MAP3K5: variants seen among roughly 807,000 people sequenced by gnomAD.
The protein encoded by MAP3K5 is ASK-1.
A neutral mutation model predicts 158.7 loss-of-function variants in MAP3K5; 56 were observed. The ratio of observed to expected loss-of-function variants is 0.35; its 90% CI spans 0.28 to 0.44. The LOEUF is 0.44. Among genes scored for constraint, MAP3K5 ranks in the 20% least tolerant of loss-of-function variants. MAP3K5 has a pLI of 1.00. For synonymous variants in MAP3K5, 579 were observed against 601.7 expected (o/e 0.96, Z 0.55); for missense variants, 1,294 against 1,674.8 (o/e 0.77, Z 3.97).
intron 24 of MAP3K5, among the ~76,000 whole-genome samples, chr6:136,582,829 T>C (rs770139913): frequency 6.6e-6 from 1 of 152,158 alleles, no homozygotes; most frequent in Non-Finnish European, 1.5e-5. Context: ...TTGTTAAGGG[T>C]CTCCTGGAGG....
chr6:136,740,945 G>A (rs911179), intron 1 of MAP3K5, among the ~76,000 whole-genome samples: 50,652 of 151,924 alleles, frequency 0.33, 10,452 homozygotes, highest in East Asian at 0.45. Flanking sequence ...ACATTAAGAT[G>A]GTGAATTTTT....
At chr6:136,666,001 A>G (rs1446053932) in intron 8 of MAP3K5, among the ~76,000 whole-genome samples, 2 of 152,228 alleles carry the variant, frequency 1.3e-5, no homozygotes, top group East Asian at 3.8e-4. Flanking sequence ...ACTCTCACCC[A>G]TAAAATGTCT....
At chr6:136,600,136 T>C (rs1326484799) in intron 21 of MAP3K5, among the ~76,000 whole-genome samples, 5 of 151,848 alleles carry the variant, frequency 3.3e-5, no homozygotes, top group Non-Finnish European at 7.4e-5. Context: ...CCCCCTGAAC[T>C]GTTTGATCAA....
At chr6:136,658,529 G>T (rs992794681) in intron 9 of MAP3K5, among the ~76,000 whole-genome samples, 1 of 151,938 alleles carries the variant, frequency 6.6e-6, no homozygotes, top group Non-Finnish European at 1.5e-5. Flanking sequence ...TGTCCAGGCT[G>T]ATCTCAAACT....
At chr6:136,623,429 A>G (rs1776896406) in intron 14 of MAP3K5, among the ~76,000 whole-genome samples, 1 of 152,212 alleles carries the variant, frequency 6.6e-6, no homozygotes, top group Admixed American at 6.5e-5. Context: ...GGCTTTGGGT[A>G]AGAAGAAAAT....
chr6:136,777,168 T>C (rs1269727110), intron 1 of MAP3K5, among the ~76,000 whole-genome samples: 1 of 152,244 alleles, frequency 6.6e-6, no homozygotes, highest in East Asian at 1.9e-4. Flanking sequence ...TTGTTCTCTT[T>C]CACTAGGTCA....
At chr6:136,614,333 T>C (rs1172285714) in intron 15 of MAP3K5, 47 bp from the exon 16 acceptor site, 14 of 1,592,118 alleles carry the variant, frequency 8.8e-6, no homozygotes, top group Non-Finnish European at 1.2e-5. Flanking sequence ...AGCCAGACTT[T>C]ACTGTATAAA....
intron 7 of MAP3K5, among the ~76,000 whole-genome samples, chr6:136,682,976 T>C (rs1779997948): frequency 6.6e-6 from 1 of 151,992 alleles, no homozygotes; most frequent in South Asian, 2.1e-4. Flanking sequence ...ACAAGGGAAA[T>C]TTAATATAGT....
At chr6:136,654,874 T>C (rs73556301) in intron 10 of MAP3K5, among the ~76,000 whole-genome samples, 62 of 151,304 alleles carry the variant, frequency 4.1e-4, no homozygotes, top group African/African-American at 1.3e-3. Context: ...GTTCATGGTG[T>C]TTTTTTTTAA....
chr6:136,633,389 CTCTG>C (rs1337682624), intron 14 of MAP3K5, among the ~76,000 whole-genome samples: 1 of 151,152 alleles, frequency 6.6e-6, no homozygotes, highest in Admixed American at 6.6e-5. Context: ...CAGAGCAAGA[CTCTG>C]TCTGAAAAAA....
At position 136,676,726 on chromosome 6, in the gene MAP3K5, A is replaced by G. The variant is rs745450546; in HGVS notation, c.1254-7331T>C. Reference sequence around the variant, plus strand: ...TGATACTTATTATTGCCATATTTACATTCTCTAATTTCTTTGTGTTAACTT... The same window carrying G: ...TGATACTTATTATTGCCATATTTACGTTCTCTAATTTCTTTGTGTTAACTT... On this transcript the variant is annotated intron_variant, in intron 7 of 29. Transcript: ENST00000359015. Among the ~76,000 whole-genome samples the G allele has an allele frequency of 1.6e-4, 24 of 150,948 alleles. No individual in the cohort carries two copies. In the Middle Eastern group the frequency reaches 0.014, roughly 87 times the overall value.
intron 14 of MAP3K5, among the ~76,000 whole-genome samples, chr6:136,633,134 C>G (rs932511940): frequency 5.9e-5 from 9 of 152,056 alleles, no homozygotes; most frequent in Non-Finnish European, 1.5e-5. Context: ...CGCAGTGGCT[C>G]ACGCCTATAA....
Position 136,767,886 on chromosome 6 carries a change from C to T in MAP3K5, c.448+23824G>A, listed in dbSNP as rs181605703. ...TGGAGACTATGGGAATAAACTCACA[C>T]ATTTATGGTCAATTGATTTTTTACA... On this transcript the variant is annotated intron_variant, in intron 1 of 29. Transcript: ENST00000359015. Among the ~76,000 whole-genome samples the T allele has an allele frequency of 3.3e-3, 500 of 152,274 alleles. 2 individuals are homozygous for T. The highest frequency in any genetic ancestry group is 0.012 in the African/African-American group (479 of 41,542).
chr6:136,572,385 A>G lies in MAP3K5; in HGVS notation c.3518-4511T>C, dbSNP rs185109616. 4.1e-3 allele frequency among the ~76,000 whole-genome samples: 621 copies of G among 152,144 alleles called. 1 individual carries two copies. Among genetic ancestry groups the G allele is most frequent in the African/African-American group, 0.014 (585 of 41,516 alleles). ...GTGATTCTCCTGCCTCAGCCTTCCG[A>G]GTAGCTGGGATTACAGGCATGTGCC... On this transcript the variant is annotated intron_variant, in intron 25 of 29. Coordinates refer to ENST00000359015, the MANE Select transcript of MAP3K5 (RefSeq NM_005923.4).
intron 18 of MAP3K5, among the ~76,000 whole-genome samples, chr6:136,610,367 C>T (rs1439500080): frequency 6.6e-6 from 1 of 152,060 alleles, no homozygotes; most frequent in Admixed American, 6.6e-5. Flanking sequence ...GCACCAGAGG[C>T]AGCTCAGTGG....
At chr6:136,580,739 G>A (rs563610908) in intron 24 of MAP3K5, among the ~76,000 whole-genome samples, 1 of 152,030 alleles carries the variant, frequency 6.6e-6, no homozygotes, top group Admixed American at 6.5e-5. Flanking sequence ...GGAAGACAGG[G>A]TCTAAGAGAC....
rs186603440 is a variant in MAP3K5 at position 136,708,755 on chromosome 6, T to C, written c.589-3622A>G. On this transcript the variant is annotated intron_variant, in intron 2 of 29. Coordinates refer to ENST00000359015, the MANE Select transcript of MAP3K5 (RefSeq NM_005923.4). ...AATATTGCGCACACACAGAAATGGCTCACGAACAAGGAAGCTGAAAAATGT... is the reference window on the plus strand; with the variant it reads ...AATATTGCGCACACACAGAAATGGCCCACGAACAAGGAAGCTGAAAAATGT... Among the ~76,000 whole-genome samples, 186 of 152,208 alleles carry C rather than the reference T, an allele frequency of 1.2e-3. 1 individual carries two copies. Among genetic ancestry groups the C allele is most frequent in the South Asian group, 3.3e-3 (16 of 4,826 alleles).
At chr6:136,576,244 T>C (rs1236988448) in intron 25 of MAP3K5, among the ~76,000 whole-genome samples, 1 of 152,216 alleles carries the variant, frequency 6.6e-6, no homozygotes, top group Non-Finnish European at 1.5e-5. Context: ...TTGGCTCTAG[T>C]GTCCTTTCAA....
intron 6 of MAP3K5, 151 bp from the exon 7 acceptor site, chr6:136,694,461 T>TG: frequency 1.6e-6 from 1 of 635,434 alleles, no homozygotes; most frequent in Non-Finnish European, 2.6e-6. Context: ...TGTAAACCTC[T>TG]GTCCTAAGCC....
Sources: allele counts gnomAD v4.1 joint callset (sites outside exome capture counted in the v4.1 genomes callset), GRCh38; gene constraint gnomAD v4.1.1; transcripts MANE v1.5; gene names NCBI Gene and HGNC (gene_info 2026-07-23, HGNC 2026-07-21).